Variants in MLLT6 observed in about 807,000 individuals in gnomAD.
MLLT6 encodes the protein MLLT6, PHD finger containing, also known as protein AF-17.
MLLT6 carries 22 observed loss-of-function variants against 103.0 expected under a neutral mutation model. The observed-to-expected ratio is 0.21, with a 90% CI of 0.15 to 0.31. The LOEUF (loss-of-function observed/expected upper bound fraction) is 0.31, where lower values mean the gene tolerates loss of function less well. Among genes scored for constraint, MLLT6 ranks in the 10% least tolerant of loss-of-function variants. The pLI, the probability that MLLT6 is intolerant of heterozygous loss-of-function variation, is 1.00. For missense variants in MLLT6, 1,199 were observed against 1,441.7 expected, an observed-to-expected ratio of 0.83 and a Z score of 2.73; for synonymous variants, 606 against 623.5, an observed-to-expected ratio of 0.97 and a Z score of 0.42.
Position 38,716,161 on chromosome 17 carries a change from G to A in MLLT6, c.1037-206G>A, listed in dbSNP as rs945185209. 5 of 612,258 alleles carry A rather than the reference G, an allele frequency of 8.2e-6. No individual in the cohort carries two copies. Among genetic ancestry groups the A allele is most frequent in the Admixed American group, 6.2e-5 (2 of 32,088 alleles). The allele number at this position is 612,258 out of a possible 1,614,324, so 37.9% of individuals were successfully genotyped here. ...TCATCTGGTGAGGCCAGTAGGGTGC[G>A]AGTTACTCTCCCCCATTTTATTACA... On this transcript the variant is annotated intron_variant, in intron 9 of 19. Transcript: ENST00000621332. The surrounding 1 kb of genome is among the most constrained non-coding windows in gnomAD (Gnocchi z 5.6).
Position 38,709,704 on chromosome 17 carries a change from C to A in MLLT6, c.552+129C>A. The A allele has an allele frequency of 2.9e-6, 2 of 689,226 alleles. No homozygotes were observed. The highest frequency in any genetic ancestry group is 2.6e-6 in the Non-Finnish European group (1 of 386,020). 42.7% of individuals were successfully genotyped at this position (689,226 alleles called of 1,614,324 possible). The stretch of plus-strand genomic sequence containing the variant: ...AGAGGGAAAAAACCCAGTCCCTGCC[C>A]AAGAGGAGCTCTTCATTCGATGAGG... On this transcript the variant is annotated intron_variant, in intron 6 of 19. Transcript: ENST00000621332. This position sits in a 1 kb window ranked among gnomAD's most constrained non-coding sequence, Gnocchi z 4.3.
At chr17:38,725,107 C>T in intron 19 of MLLT6, 131 bp downstream of exon 19, 2 of 668,412 alleles carry the variant, frequency 3.0e-6, no homozygotes, top group Non-Finnish European at 5.0e-6. Flanking sequence ...AGTACCCTGC[C>T]TCAGACCCCA....
At chr17:38,706,713 G>A (rs1208216130) in intron 1 of MLLT6, 1 of 396,184 alleles carries the variant, frequency 2.5e-6, no homozygotes, top group East Asian at 3.7e-5. Context: ...TCTTCTAGAA[G>A]TTTAAGGTCA....
In MLLT6 at chr17:38,717,946, C is replaced by T. The variant is rs1422010206; in HGVS notation, c.1935C>T (p.Ser645=). 5 of 1,603,610 alleles carry T rather than the reference C, an allele frequency of 3.1e-6. No homozygotes were observed. The African/African-American group carries it at 6.7e-5, about 21-fold the overall frequency. The change falls in exon 12 of 20, where the codon AGC becomes AGT. Residue 645 remains serine (S), a synonymous_variant. Coordinates refer to ENST00000621332, the MANE Select transcript of MLLT6 (RefSeq NM_005937.4). Reference sequence around the variant, plus strand: ...CCCTCCTCTCCCAAGCTGAGAGCAGCCACACAGGTATGTGAATATCTGATC... The same window carrying T: ...CCCTCCTCTCCCAAGCTGAGAGCAGTCACACAGGTATGTGAATATCTGATC... ...VNPLLSQAES[S]HTEPDLEDCS...
At position 38,715,596 on chromosome 17, in the gene MLLT6, C is replaced by G; in HGVS notation, c.820-16C>G. On this transcript the variant is annotated splice_polypyrimidine_tract_variant and intron_variant, in intron 8 of 19. Coordinates refer to ENST00000621332, the MANE Select transcript of MLLT6 (RefSeq NM_005937.4). Reference sequence around the variant, plus strand: ...CAGGCACCTGGTGTTGAACCTTCCTCTCTCCTCTCCTTCAGGTCTCCTCCT... The same window carrying G: ...CAGGCACCTGGTGTTGAACCTTCCTGTCTCCTCTCCTTCAGGTCTCCTCCT... 2.5e-6 allele frequency: 4 copies of G among 1,601,636 alleles called. No individual in the cohort carries two copies. Among genetic ancestry groups the G allele is most frequent in the Non-Finnish European group, 3.4e-6 (4 of 1,174,418 alleles).
intron 3 of MLLT6, 96 bp downstream of exon 3, chr17:38,707,636 T>C: frequency 3.6e-6 from 5 of 1,386,464 alleles, no homozygotes; most frequent in Non-Finnish European, 3.1e-6. Context: ...CGGGTTTCCT[T>C]TCCCTGGCTG....
Position 38,717,848 on chromosome 17 carries a change from T to A in MLLT6, c.1837T>A (p.Phe613Ile). 1 of 1,612,048 alleles carries A rather than the reference T, an allele frequency of 6.2e-7. No individual in the cohort carries two copies. Among genetic ancestry groups the A allele is most frequent in the Non-Finnish European group, 8.5e-7 (1 of 1,178,288 alleles). The change falls in exon 12 of 20, where the codon TTT becomes ATT. Residue 613 changes from phenylalanine (F) to isoleucine (I), a missense_variant. Coordinates refer to ENST00000621332, the MANE Select transcript of MLLT6 (RefSeq NM_005937.4). ...GGATTCTACCTCCCTCCCTTAGGTG[T>A]TTTCTCTGGCTGGCTCTACCTTTAG... is the stretch of plus-strand genomic sequence containing the variant. ...SSASISTTQV[F>I]SLAGSTFSLP...
intron 14 of MLLT6, 55 bp downstream of exon 14, chr17:38,719,950 T>C: frequency 6.7e-7 from 1 of 1,499,752 alleles, no homozygotes. Context: ...AACAGTCACC[T>C]TTCTCCCCGA....
Position 38,716,721 on chromosome 17 carries a change from A to G in MLLT6, c.1391A>G (p.Lys464Arg). The change falls in exon 10 of 20, where the codon AAG (lysine) becomes AGG (arginine). Residue 464 changes from lysine to arginine, a missense_variant. This residue lies in a region of MLLT6 where 1,034 missense variants were observed against 1,091.5 expected (regional missense o/e 0.95). Coordinates refer to ENST00000621332, the MANE Select transcript of MLLT6 (RefSeq NM_005937.4). This position sits in a 1 kb window ranked among gnomAD's most constrained non-coding sequence, Gnocchi z 5.6. The part of the protein sequence containing the change: ...PADETPETGL[K>R]EKKHKASKRS... ...GATGAGACCCCTGAGACAGGCCTGA[A>G]GGAGAAGAAGCACAAAGCCAGCAAG... The G allele has an allele frequency of 6.2e-7, 1 of 1,610,658 alleles. No individual in the cohort carries two copies. The highest frequency in any genetic ancestry group is 8.5e-7 in the Non-Finnish European group (1 of 1,178,670).
At chr17:38,719,140 C>T in intron 12 of MLLT6, 1 of 321,694 alleles carries the variant, frequency 3.1e-6, no homozygotes, top group East Asian at 5.2e-5. Flanking sequence ...ATAACAGTCA[C>T]TTCGGAGAGG....
intron 4 of MLLT6, 96 bp downstream of exon 4, chr17:38,707,968 G>A (rs1221661004): frequency 9.4e-6 from 8 of 846,702 alleles, no homozygotes; most frequent in Non-Finnish European, 5.8e-6. Flanking sequence ...TCTGTCCAAC[G>A]AGCACTGAAA....
chr17:38,724,577 C>T lies in MLLT6; in HGVS notation c.2884-43C>T, dbSNP rs1011023949. Reference sequence around the variant, plus strand: ...GGGCAGGCAGGCAGCAGGGAAGAGACCCCCGGGACTGTTGGCCAACAAGCG... The same window carrying T: ...GGGCAGGCAGGCAGCAGGGAAGAGATCCCCGGGACTGTTGGCCAACAAGCG... On this transcript the variant is annotated intron_variant, in intron 18 of 19. Coordinates refer to ENST00000621332, the MANE Select transcript of MLLT6 (RefSeq NM_005937.4). The surrounding 1 kb of genome is among the most constrained non-coding windows in gnomAD (Gnocchi z 5.4). 2.0e-6 allele frequency: 3 copies of T among 1,485,790 alleles called. No homozygotes were observed. Among genetic ancestry groups the T allele is most frequent in the Admixed American group, 2.0e-5 (1 of 49,810 alleles). 92.0% of individuals were successfully genotyped at this position (1,485,790 alleles called of 1,614,324 possible).
rs1357891437 is a variant in MLLT6 at position 38,705,753 on chromosome 17, G to C, written c.109+12G>C. ...GGCCGTCCACCAAGGTACGGGGGTG[G>C]CCCGCGGGGGGCGGCGGGACCCCGG... On this transcript the variant is annotated intron_variant, in intron 1 of 19. Coordinates refer to ENST00000621332, the MANE Select transcript of MLLT6 (RefSeq NM_005937.4). 7.5e-7 allele frequency: 1 copy of C among 1,340,436 alleles called. No homozygotes were observed. Among genetic ancestry groups the C allele is most frequent in the South Asian group, 2.1e-5 (1 of 47,318 alleles). 83.0% of individuals were successfully genotyped at this position (1,340,436 alleles called of 1,614,324 possible).
chr17:38,729,695 C>T lies in MLLT6; in HGVS notation c.*4097C>T, dbSNP rs1906218506. 1 of 218,162 alleles carries T rather than the reference C, an allele frequency of 4.6e-6. No homozygotes were observed. The highest frequency in any genetic ancestry group is 1.9e-4 in the South Asian group (1 of 5,382). 13.5% of individuals were successfully genotyped at this position (218,162 alleles called of 1,614,324 possible). ...GCCTGGAATTGTGCATAACCCGGAT[C>T]TTGTATCTTTGTATAACGGATGTTA... On this transcript the variant is annotated 3_prime_UTR_variant, in exon 20 of 20. Coordinates refer to ENST00000621332, the MANE Select transcript of MLLT6 (RefSeq NM_005937.4).
Position 38,721,843 on chromosome 17 carries a change from G to A in MLLT6, c.2443-35G>A, listed in dbSNP as rs1229288208. Reference sequence around the variant, plus strand: ...GCCAGGGGCCAGAAAAGTCATGCTGGCCCTCTGACCCCTCCCTTCCCCCTC... The same window carrying A: ...GCCAGGGGCCAGAAAAGTCATGCTGACCCTCTGACCCCTCCCTTCCCCCTC... On this transcript the variant is annotated intron_variant, in intron 16 of 19. Transcript: ENST00000621332. The A allele has an allele frequency of 4.1e-6, 6 of 1,458,500 alleles. No individual in the cohort carries two copies. The South Asian group carries it at 5.1e-5, about 12-fold the overall frequency. The allele number at this position is 1,458,500 out of a possible 1,614,324, so 90.3% of individuals were successfully genotyped here. A position where few individuals can be genotyped will look rare whatever the true frequency, so the allele number is the denominator to read the frequency against.
In MLLT6 at chr17:38,724,448, T is replaced by C; in HGVS notation, c.2884-172T>C. Reference sequence around the variant, plus strand: ...GCGTGCAACCATTTTCTTGTCTAGATGGGGAGACCCAGGCTAAGTGGGAAA... The same window carrying C: ...GCGTGCAACCATTTTCTTGTCTAGACGGGGAGACCCAGGCTAAGTGGGAAA... On this transcript the variant is annotated intron_variant, in intron 18 of 19. Transcript: ENST00000621332. This position sits in a 1 kb window ranked among gnomAD's most constrained non-coding sequence, Gnocchi z 5.4. 1 of 558,412 alleles carries C rather than the reference T, an allele frequency of 1.8e-6. No individual in the cohort carries two copies. The highest frequency in any genetic ancestry group is 2.5e-5 in the South Asian group (1 of 40,092). 34.6% of individuals were successfully genotyped at this position (558,412 alleles called of 1,614,324 possible). A position where few individuals can be genotyped will look rare whatever the true frequency, so the allele number is the denominator to read the frequency against.
chr17:38,720,687 C>T lies in MLLT6; in HGVS notation c.2382C>T (p.Ser794=), dbSNP rs1396944296. ...GCAGCAGCGACTCCTTGAGCACCAG[C>T]AAGAGCCCTCCGGGAAAGAGCAGCC... is the stretch of plus-strand genomic sequence containing the variant. ...QAGSSDSLST[S]KSPPGKSSLG... is the part of the protein sequence containing the mutation. Residue 794 remains serine (S), a synonymous_variant, in exon 16 of 20, where the codon AGC becomes AGT. Coordinates refer to ENST00000621332, the MANE Select transcript of MLLT6 (RefSeq NM_005937.4). 2.5e-6 allele frequency: 4 copies of T among 1,613,784 alleles called. No homozygotes were observed. In the East Asian group the frequency reaches 6.7e-5, roughly 27 times the overall value.
rs1351717237 is a variant in MLLT6 at position 38,728,430 on chromosome 17, G to C, written c.*2832G>C. 2 of 233,318 alleles carry C rather than the reference G, an allele frequency of 8.6e-6. No homozygotes were observed. The highest frequency in any genetic ancestry group is 2.2e-5 in the African/African-American group (1 of 45,356). 14.5% of individuals were successfully genotyped at this position (233,318 alleles called of 1,614,324 possible). ...GTTTGCAGAGCGGAAGCAGAGTTTG[G>C]AAACGCATGAGAGCAGAGCTTCGTG... On this transcript the variant is annotated 3_prime_UTR_variant, in exon 20 of 20. Coordinates refer to ENST00000621332, the MANE Select transcript of MLLT6 (RefSeq NM_005937.4).
At chr17:38,712,060 G>A (rs779326132) in intron 7 of MLLT6, 46 bp downstream of exon 7, 9 of 1,493,478 alleles carry the variant, frequency 6.0e-6, no homozygotes, top group African/African-American at 5.6e-5. Context: ...CGGGGACTTG[G>A]AGACTCACAA....
Sources: gnomAD v4.1 joint callset for allele counts on GRCh38, gnomAD v4.1.1 for gene constraint, gnomAD v4.1.1 regional missense constraint, Gnocchi (gnomAD v3.1) non-coding constraint, MANE v1.5 for transcripts, NCBI Gene and HGNC (gene_info 2026-07-23, HGNC 2026-07-21) for gene names.